The following KLF8 variants were observed in gnomAD, a reference collection of about 807,000 sequenced individuals.
The protein encoded by KLF8 is KLF transcription factor 8.
In KLF8, 10 loss-of-function variants were observed where a neutral mutation model predicts 18.2. The observed-to-expected ratio is 0.55, with a 90% CI of 0.34 to 0.93. The LOEUF (loss-of-function observed/expected upper bound fraction) is 0.93, where lower values mean the gene tolerates loss of function less well. KLF8 is among the 40% of genes least tolerant of loss of function. KLF8 has a pLI of 0.02. For missense variants in KLF8, 264 were observed against 277.9 expected (o/e 0.95, Z 0.36); for synonymous variants, 109 against 97.3 (o/e 1.12, Z -0.71).
the KLF8 span, among the ~76,000 whole-genome samples, chrX:56,179,535 G>T: frequency 1.8e-5 from 2 of 112,047 alleles, no homozygotes; most frequent in African/African-American, 6.5e-5. Context: ...ATGTTGAATA[G>T]GAGTGGTGAA....
In KLF8 at chrX:56,284,523, G is replaced by A. The variant is rs773228180; in HGVS notation, c.*29G>A. Reference sequence around the variant, plus strand: ...GCACAGGTCACACTAGAGAAGCTGCGCTGGTATCTTTCCTGGTCGTGTGCT... The same window carrying A: ...GCACAGGTCACACTAGAGAAGCTGCACTGGTATCTTTCCTGGTCGTGTGCT... On this transcript the variant is annotated 3_prime_UTR_variant, in exon 6 of 6. Transcript: ENST00000468660. 1.8e-6 allele frequency: 2 copies of A among 1,082,697 alleles called. No individual in the cohort carries two copies. The highest frequency in any genetic ancestry group is 1.9e-5 in the African/African-American group (1 of 53,651). The allele number at this position is 1,082,697 out of a possible 1,213,427, so 89.2% of individuals were successfully genotyped here. A position where few individuals can be genotyped will look rare whatever the true frequency, so the allele number is the denominator to read the frequency against.
the KLF8 span, among the ~76,000 whole-genome samples, chrX:56,219,329 T>C: frequency 1.8e-5 from 2 of 110,561 alleles, no homozygotes; most frequent in East Asian, 2.9e-4. Context: ...CTCTGAGGAG[T>C]AGAGTATCAT....
At chrX:55,950,855 A>G in the KLF8 span, among the ~76,000 whole-genome samples, 1 of 112,202 alleles carries the variant, frequency 8.9e-6, no homozygotes, top group Non-Finnish European at 1.9e-5. Flanking sequence ...GACTAACAGA[A>G]AATCTTGCAT....
chrX:56,111,489 T>C, the KLF8 span, among the ~76,000 whole-genome samples: 2 of 111,985 alleles, frequency 1.8e-5, no homozygotes, highest in Non-Finnish European at 3.8e-5. Flanking sequence ...GGGATCTAAT[T>C]AAACTAAAGA....
the KLF8 span, among the ~76,000 whole-genome samples, chrX:56,195,240 G>A: frequency 1.8e-5 from 2 of 112,238 alleles, no homozygotes; most frequent in Non-Finnish European, 3.8e-5. Context: ...ACTTTGACAA[G>A]TTGACAGAGG....
chrX:55,979,761 G>T, the KLF8 span, among the ~76,000 whole-genome samples: 3 of 111,378 alleles, frequency 2.7e-5, no homozygotes, highest in Non-Finnish European at 5.7e-5. Flanking sequence ...GGAGAAGAAG[G>T]GTTAGTTTTG....
the KLF8 span, among the ~76,000 whole-genome samples, chrX:55,943,123 T>G: frequency 2.7e-5 from 3 of 110,770 alleles, no homozygotes; most frequent in African/African-American, 6.6e-5. Flanking sequence ...TATTTTTAAT[T>G]TTTGGCATGA....
the KLF8 span, among the ~76,000 whole-genome samples, chrX:55,944,096 T>G: frequency 8.9e-6 from 1 of 111,838 alleles, no homozygotes; most frequent in Non-Finnish European, 1.9e-5. Context: ...AATCATGTGG[T>G]TTTTGTCTTT....
the KLF8 span, among the ~76,000 whole-genome samples, chrX:56,221,300 T>C: frequency 8.9e-6 from 1 of 112,074 alleles, no homozygotes; most frequent in Admixed American, 9.4e-5. Flanking sequence ...GCGCCTCCCC[T>C]GGCCTTATTC....
the KLF8 span, among the ~76,000 whole-genome samples, chrX:56,225,644 C>A: frequency 4.5e-5 from 5 of 112,086 alleles, no homozygotes; most frequent in Non-Finnish European, 9.4e-5. Flanking sequence ...TAGTCTGTGG[C>A]AAGTACTCCT....
At chrX:55,937,179 C>T in the KLF8 span, among the ~76,000 whole-genome samples, 3 of 110,924 alleles carry the variant, frequency 2.7e-5, no homozygotes, top group East Asian at 2.9e-4. Context: ...CACAAAACTT[C>T]CAGAGGAACG....
At chrX:56,091,979 GTT>G in the KLF8 span, among the ~76,000 whole-genome samples, 669 of 80,999 alleles carry the variant, frequency 8.3e-3, 5 homozygotes, top group African/African-American at 0.026. Flanking sequence ...AACATCTATT[GTT>G]TTTTTTTTTT....
At chrX:56,206,112 G>T in the KLF8 span, among the ~76,000 whole-genome samples, 1 of 110,718 alleles carries the variant, frequency 9.0e-6, no homozygotes, top group African/African-American at 3.3e-5. Context: ...ACAGTGTAGG[G>T]GAAACCACCC....
the KLF8 span, among the ~76,000 whole-genome samples, chrX:55,914,344 C>A: frequency 8.9e-6 from 1 of 111,880 alleles, no homozygotes; most frequent in Admixed American, 9.5e-5. Flanking sequence ...ATACAAAAAT[C>A]TGAGACCTCA....
At chrX:56,160,544 A>C in the KLF8 span, among the ~76,000 whole-genome samples, 2 of 111,349 alleles carry the variant, frequency 1.8e-5, no homozygotes, top group Admixed American at 9.6e-5. Flanking sequence ...GTAGGTTACT[A>C]AGGACTTGCT....
the KLF8 span, among the ~76,000 whole-genome samples, chrX:56,111,552 A>G: frequency 1.8e-5 from 2 of 112,040 alleles, no homozygotes; most frequent in African/African-American, 6.5e-5. Flanking sequence ...AACTTACAGA[A>G]TGGGAGAAAA....
At chrX:56,228,105 C>T (rs770197146), upstream of KLF8, among the ~76,000 whole-genome samples, 11 of 112,262 alleles carry the variant, frequency 9.8e-5, no homozygotes, top group African/African-American at 3.2e-4. Context: ...CTCAAGCAAG[C>T]AGTTTAGTTG....
chrX:55,932,944 G>T, the KLF8 span, among the ~76,000 whole-genome samples: 1 of 111,516 alleles, frequency 9.0e-6, no homozygotes, highest in East Asian at 2.8e-4. Flanking sequence ...CCCTACACTT[G>T]GGAGAAGGGG....
the KLF8 span, among the ~76,000 whole-genome samples, chrX:56,055,694 G>A: frequency 9.0e-6 from 1 of 111,523 alleles, no homozygotes; most frequent in African/African-American, 3.3e-5. Context: ...TCTTTCTCAG[G>A]GACTTTGGTG....
Sources: allele counts gnomAD v4.1 joint callset (sites outside exome capture counted in the v4.1 genomes callset), GRCh38; gene constraint gnomAD v4.1.1; transcripts MANE v1.5; gene names NCBI Gene and HGNC (gene_info 2026-07-23, HGNC 2026-07-21).